Variants in MMP20 observed in about 807,000 individuals in gnomAD.
MMP20 encodes the protein matrix metalloproteinase-20.
Under a neutral mutation model 51.8 loss-of-function variants are expected in MMP20, and 50 were observed. The ratio of observed to expected loss-of-function variants is 0.97; its 90% CI spans 0.77 to 1.22. The LOEUF (loss-of-function observed/expected upper bound fraction) is 1.22, where lower values mean the gene tolerates loss of function less well. Ranked by LOEUF, MMP20 falls within the 50% of genes most tolerant of loss-of-function variation. MMP20 has a pLI of 0.00. For synonymous variants in MMP20, 244 were observed against 216.2 expected (o/e 1.13, Z -1.13); for missense variants, 663 against 601.4 (o/e 1.10, Z -1.07).
intron 8 of MMP20, among the ~76,000 whole-genome samples, chr11:102,583,247 A>G (rs546808137): frequency 1.3e-5 from 2 of 152,244 alleles, no homozygotes; most frequent in Admixed American, 6.5e-5. Flanking sequence ...AGAACAATCA[A>G]ATCTACCCCA....
intron 7 of MMP20, 29 bp downstream of exon 7, chr11:102,594,592 T>C (rs1341051492): frequency 3.1e-6 from 5 of 1,612,862 alleles, no homozygotes; most frequent in Non-Finnish European, 4.2e-6. Context: ...AGCCCTGCCA[T>C]TTCTTTCTTT....
chr11:102,597,309 G>A (rs1452483913), intron 6 of MMP20, among the ~76,000 whole-genome samples: 1 of 152,236 alleles, frequency 6.6e-6, no homozygotes, highest in Non-Finnish European at 1.5e-5. Context: ...TATCTTGAAT[G>A]ACTCAACATG....
chr11:102,617,776 A>T (rs1249406177), intron 1 of MMP20, among the ~76,000 whole-genome samples: 1 of 152,216 alleles, frequency 6.6e-6, no homozygotes. Context: ...TATATTGTTC[A>T]AAACACTTTT....
At chr11:102,591,823 A>T (rs1859320711) in intron 8 of MMP20, among the ~76,000 whole-genome samples, 1 of 152,172 alleles carries the variant, frequency 6.6e-6, no homozygotes, top group South Asian at 2.1e-4. Context: ...GAGAATTTTG[A>T]ACCTCTGCCC....
rs578249079 is a variant in MMP20 at position 102,625,231 on chromosome 11, G to T, written c.89C>A (p.Ser30Tyr). 8 of 1,613,932 alleles carry T rather than the reference G, an allele frequency of 5.0e-6. No individual in the cohort carries two copies. In the African/African-American group the frequency reaches 9.3e-5, roughly 19 times the overall value. ...STAAPSLVAA[S>Y]PRTWRNNYRL... is the part of the protein sequence containing the mutation. ...GTAGTTGTTCCTCCAGGTCCTGGGGGAGGCTGCAACTAGGGAGGGGGCTGC... is the reference window on the plus strand; with the variant it reads ...GTAGTTGTTCCTCCAGGTCCTGGGGTAGGCTGCAACTAGGGAGGGGGCTGC... The change falls in exon 1 of 10, where the codon TCC becomes TAC. Residue 30 changes from serine (S) to tyrosine (Y), a missense_variant. Ser to Tyr is a moderately radical substitution (Grantham distance 144). Coordinates refer to ENST00000260228, the MANE Select transcript of MMP20 (RefSeq NM_004771.4).
chr11:102,590,128 G>T (rs1415038506), intron 8 of MMP20, among the ~76,000 whole-genome samples: 2 of 152,164 alleles, frequency 1.3e-5, no homozygotes, highest in African/African-American at 4.8e-5. Flanking sequence ...ACCCCCTGCT[G>T]CCAGAAATCC....
At chr11:102,586,330 G>A (rs917939278) in intron 8 of MMP20, among the ~76,000 whole-genome samples, 7 of 151,882 alleles carry the variant, frequency 4.6e-5, no homozygotes, top group Non-Finnish European at 4.4e-5. Flanking sequence ...TTTTCTTATT[G>A]TAGGCATATT....
chr11:102,609,469 C>T (rs1859565285), intron 4 of MMP20, among the ~76,000 whole-genome samples: 1 of 152,006 alleles, frequency 6.6e-6, no homozygotes, highest in Non-Finnish European at 1.5e-5. Flanking sequence ...CAGCCTACAC[C>T]TTTTGATCCA....
At chr11:102,600,802 C>T (rs1372104078) in intron 6 of MMP20, among the ~76,000 whole-genome samples, 1 of 152,012 alleles carries the variant, frequency 6.6e-6, no homozygotes, top group Non-Finnish European at 1.5e-5. Flanking sequence ...GCTCTTTAAC[C>T]CCTTTCCATG....
intron 6 of MMP20, among the ~76,000 whole-genome samples, chr11:102,604,471 C>T (rs1189433756): frequency 6.6e-6 from 1 of 152,138 alleles, no homozygotes; most frequent in Non-Finnish European, 1.5e-5. Flanking sequence ...AGCCTCCCTG[C>T]CATTGTAAAT....
chr11:102,613,422 T>A (rs1389636122), intron 2 of MMP20, among the ~76,000 whole-genome samples: 2 of 152,198 alleles, frequency 1.3e-5, no homozygotes. Flanking sequence ...AGCAGATGCT[T>A]AGCAATTGCT....
chr11:102,609,900 T>A lies in MMP20; in HGVS notation c.649+5A>T, dbSNP rs772716386. The A allele has an allele frequency of 6.2e-7, 1 of 1,614,166 alleles. No homozygotes were observed. Among genetic ancestry groups the A allele is most frequent in the Non-Finnish European group, 8.5e-7 (1 of 1,180,022 alleles). On this transcript the variant is annotated splice_donor_5th_base_variant and intron_variant, in intron 4 of 9. Coordinates refer to ENST00000260228, the MANE Select transcript of MMP20 (RefSeq NM_004771.4). Reference sequence around the variant, plus strand: ...TCCAGGTTATGGTGAATTGTGCATATATACCATTCGTTCCCATAGTCCACT... The same window carrying A: ...TCCAGGTTATGGTGAATTGTGCATAAATACCATTCGTTCCCATAGTCCACT...
intron 5 of MMP20, among the ~76,000 whole-genome samples, chr11:102,608,304 C>G (rs963839207): frequency 6.6e-6 from 1 of 152,156 alleles, no homozygotes; most frequent in African/African-American, 2.4e-5. Flanking sequence ...GTTTGTTTTT[C>G]CCTTAAGGAA....
At chr11:102,619,030 C>G (rs955206587) in intron 1 of MMP20, among the ~76,000 whole-genome samples, 3 of 152,114 alleles carry the variant, frequency 2.0e-5, no homozygotes, top group African/African-American at 7.2e-5. Context: ...ACATGGGGTG[C>G]CCAGGCTCTG....
At chr11:102,586,201 G>A (rs1336492959) in intron 8 of MMP20, among the ~76,000 whole-genome samples, 1 of 152,118 alleles carries the variant, frequency 6.6e-6, no homozygotes, top group Non-Finnish European at 1.5e-5. Context: ...AAGGTTTGGA[G>A]GAGTTTGTAA....
intron 1 of MMP20, 57 bp downstream of exon 1, chr11:102,625,137 C>T: frequency 6.2e-7 from 1 of 1,606,882 alleles, no homozygotes; most frequent in Non-Finnish European, 8.5e-7. Context: ...CTCACTATGC[C>T]CTTTTAGGTT....
rs75147225 is a variant in MMP20, at chr11:102,596,121, C to T, written c.954-1364G>A. On this transcript the variant is annotated intron_variant, in intron 6 of 9. Coordinates refer to ENST00000260228, the MANE Select transcript of MMP20 (RefSeq NM_004771.4). ...TCTAATAGTAGAGACTGATTAGTAACGATCAGAGTGATTGGTGCTACGAAG... is the reference window on the plus strand; with the variant it reads ...TCTAATAGTAGAGACTGATTAGTAATGATCAGAGTGATTGGTGCTACGAAG... Among the ~76,000 whole-genome samples, 1,269 of 152,292 alleles carry T rather than the reference C, an allele frequency of 8.3e-3. 18 individuals are homozygous for T. The highest frequency in any genetic ancestry group is 0.024 in the South Asian group (114 of 4,820).
rs775286919 is a variant in MMP20, at chr11:102,611,709, A to G, written c.523+46T>C. The G allele has an allele frequency of 2.0e-5, 32 of 1,604,198 alleles. No individual in the cohort carries two copies. The South Asian group carries it at 3.1e-4, about 15-fold the overall frequency. ...AAGATGTAGAAGGAACAGTATTGGG[A>G]CAACTCTCCTTTGAATTAGTAGATG... On this transcript the variant is annotated intron_variant, in intron 3 of 9. Transcript: ENST00000260228.
intron 6 of MMP20, among the ~76,000 whole-genome samples, chr11:102,603,366 G>A (rs936597778): frequency 5.3e-5 from 8 of 152,182 alleles, no homozygotes; most frequent in Admixed American, 3.3e-4. Context: ...GGGGATCAGA[G>A]CTATAGAGTC....
Sources: allele counts gnomAD v4.1 joint callset (sites outside exome capture counted in the v4.1 genomes callset), GRCh38; gene constraint gnomAD v4.1.1; transcripts MANE v1.5; gene names NCBI Gene and HGNC (gene_info 2026-07-23, HGNC 2026-07-21).